SH3BP4: variants seen among roughly 807,000 people sequenced by gnomAD.
SH3BP4 encodes SH3 domain-binding protein 4.
A neutral mutation model predicts 65.5 loss-of-function variants in SH3BP4; 33 were observed. That is an observed-to-expected ratio of 0.50 (90% confidence interval 0.38 to 0.67). The LOEUF is 0.67. Among genes scored for constraint, SH3BP4 ranks in the 30% least tolerant of loss-of-function variants. SH3BP4 has a pLI of 0.00. For synonymous variants in SH3BP4, 552 were observed against 545.5 expected (o/e 1.01, Z -0.17); for missense variants, 1,134 against 1,261.4 (o/e 0.90, Z 1.53).
At chr2:235,001,223 C>T (rs773336006) in intron 2 of SH3BP4, among the ~76,000 whole-genome samples, 8 of 152,182 alleles carry the variant, frequency 5.3e-5, no homozygotes, top group South Asian at 2.1e-4. Context: ...GGGCCCTTGG[C>T]GTGGCCCTTT....
At chr2:235,010,679 A>AAAGC (rs1399569818) in intron 2 of SH3BP4, among the ~76,000 whole-genome samples, 1 of 152,176 alleles carries the variant, frequency 6.6e-6, no homozygotes, top group African/African-American at 2.4e-5. Flanking sequence ...CTGGAGCCTG[A>AAAGC]AAGCAAGATG....
intron 1 of SH3BP4, among the ~76,000 whole-genome samples, chr2:234,972,832 C>G (rs953642203): frequency 6.6e-6 from 1 of 152,212 alleles, no homozygotes; most frequent in Admixed American, 6.5e-5. Context: ...AGAGAAGTTC[C>G]TTCCGTAAAA....
intron 4 of SH3BP4, among the ~76,000 whole-genome samples, chr2:235,047,358 C>G (rs536622564): frequency 6.6e-6 from 1 of 152,162 alleles, no homozygotes; most frequent in East Asian, 1.9e-4. Context: ...CCCCCTGATG[C>G]GTCAGAGGCG....
At position 235,026,084 on chromosome 2, in the gene SH3BP4, G is replaced by C. The variant is rs192117611; in HGVS notation, c.-132-8787G>C. 6.0e-4 allele frequency among the ~76,000 whole-genome samples: 92 copies of C among 152,266 alleles called. No homozygotes were observed. The highest frequency in any genetic ancestry group is 2.1e-3 in the African/African-American group (89 of 41,544). The stretch of plus-strand genomic sequence containing the variant: ...GATTCTGGGATCTGTGCAGTGTGCT[G>C]AGAACAACCCTACAGAGGGGATGGG... On this transcript the variant is annotated intron_variant, in intron 2 of 5. Coordinates refer to ENST00000392011, the MANE Select transcript of SH3BP4 (RefSeq NM_014521.3). The surrounding 1 kb of genome is among the most constrained non-coding windows in gnomAD (Gnocchi z 4.6).
At chr2:235,027,952 C>T (rs548664198) in intron 2 of SH3BP4, among the ~76,000 whole-genome samples, 2 of 152,282 alleles carry the variant, frequency 1.3e-5, no homozygotes, top group South Asian at 2.1e-4. Context: ...GGAGTCTATG[C>T]GTGGCGTGAC....
rs1264051463 is a variant in SH3BP4 at position 235,035,297 on chromosome 2, AT to A, written c.118+183del. On this transcript the variant is annotated intron_variant, in intron 3 of 5. Transcript: ENST00000392011. The surrounding 1 kb of genome is among the most constrained non-coding windows in gnomAD (Gnocchi z 5.0). ...CCCTGGAATCATAGTCACTTGTCTT[AT>A]TTTTTGGTTCCCCCTTATTAGTGAA... 6.6e-6 allele frequency among the ~76,000 whole-genome samples: 1 copy of A among 152,120 alleles called. No homozygotes were observed. Among genetic ancestry groups the A allele is most frequent in the Non-Finnish European group, 1.5e-5 (1 of 68,006 alleles).
At position 235,034,863 on chromosome 2, in the gene SH3BP4, A is replaced by T; in HGVS notation, c.-132-8A>T. 1 of 661,752 alleles carries T rather than the reference A, an allele frequency of 1.5e-6. No homozygotes were observed. The highest frequency in any genetic ancestry group is 2.6e-6 in the Non-Finnish European group (1 of 385,688). 41.0% of individuals were successfully genotyped at this position (661,752 alleles called of 1,614,324 possible). ...TAAGGGACTTTTTTGTTCCTCCTCT[A>T]CTTTCAGGAAGAAACATATTGCCGA... On this transcript the variant is annotated splice_region_variant and splice_polypyrimidine_tract_variant and intron_variant, in intron 2 of 5. Transcript: ENST00000392011. The surrounding 1 kb of genome is among the most constrained non-coding windows in gnomAD (Gnocchi z 6.2).
At chr2:234,973,161 A>C (rs1265719914) in intron 1 of SH3BP4, among the ~76,000 whole-genome samples, 1 of 152,164 alleles carries the variant, frequency 6.6e-6, no homozygotes, top group African/African-American at 2.4e-5. Context: ...TTCTTTTTAG[A>C]TGGGGTCATT....
rs141816507 is a variant in SH3BP4 at position 235,034,794 on chromosome 2, C to T, written c.-132-77C>T. 3.6e-6 allele frequency: 2 copies of T among 562,396 alleles called. No individual in the cohort carries two copies. Among genetic ancestry groups the T allele is most frequent in the East Asian group, 3.0e-5 (1 of 32,862 alleles). 34.8% of individuals were successfully genotyped at this position (562,396 alleles called of 1,614,324 possible). On this transcript the variant is annotated intron_variant, in intron 2 of 5. Transcript: ENST00000392011. The surrounding 1 kb of genome is among the most constrained non-coding windows in gnomAD (Gnocchi z 6.2). ...AGAACAGCCTGGAAGAAAGAGGATT[C>T]CCACTTCCCATAAAATTACCATTGA... is the stretch of plus-strand genomic sequence containing the variant.
chr2:235,001,726 T>C (rs1574809103), intron 2 of SH3BP4, among the ~76,000 whole-genome samples: 1 of 152,304 alleles, frequency 6.6e-6, no homozygotes, highest in East Asian at 1.9e-4. Flanking sequence ...CCGGGAAGCC[T>C]GTGTACAGGT....
chr2:235,032,248 C>T (rs1574835666), intron 2 of SH3BP4, among the ~76,000 whole-genome samples: 1 of 152,334 alleles, frequency 6.6e-6, no homozygotes, highest in East Asian at 1.9e-4. Context: ...GTTGCCCTCA[C>T]AGCTGACACC....
chr2:234,985,114 A>T (rs1388928780), intron 1 of SH3BP4, among the ~76,000 whole-genome samples: 6 of 152,204 alleles, frequency 3.9e-5, no homozygotes, highest in African/African-American at 1.4e-4. Flanking sequence ...GTGCTGGGAT[A>T]GCGGAGCACC....
intron 1 of SH3BP4, among the ~76,000 whole-genome samples, chr2:234,985,387 G>A (rs1030945163): frequency 7.9e-5 from 12 of 152,170 alleles, no homozygotes; most frequent in Admixed American, 6.5e-4. Context: ...AAAAGTGTGC[G>A]TGAATGAAGG....
At chr2:234,990,982 A>G (rs948098550) in intron 1 of SH3BP4, among the ~76,000 whole-genome samples, 1 of 152,046 alleles carries the variant, frequency 6.6e-6, no homozygotes, top group African/African-American at 2.4e-5. Context: ...CCCCCCTTTT[A>G]TAAAGTCACT....
chr2:234,989,251 G>A (rs952246010), intron 1 of SH3BP4, among the ~76,000 whole-genome samples: 6 of 152,188 alleles, frequency 3.9e-5, no homozygotes, highest in African/African-American at 1.4e-4. Flanking sequence ...GTAGGAGGAT[G>A]GCGTCACTGT....
At chr2:235,023,561 G>A (rs928868269) in intron 2 of SH3BP4, among the ~76,000 whole-genome samples, 11 of 151,958 alleles carry the variant, frequency 7.2e-5, no homozygotes, top group Non-Finnish European at 5.9e-5. Context: ...GGTGGGGTGG[G>A]GGGTGAGAAG....
chr2:235,011,936 G>C (rs539221466), intron 2 of SH3BP4, among the ~76,000 whole-genome samples: 3 of 152,328 alleles, frequency 2.0e-5, no homozygotes, highest in African/African-American at 7.2e-5. Flanking sequence ...ATGGGATTCT[G>C]AGAGACAGGC....
intron 1 of SH3BP4, among the ~76,000 whole-genome samples, chr2:234,973,446 T>C (rs967583685): frequency 6.6e-6 from 1 of 152,188 alleles, no homozygotes; most frequent in African/African-American, 2.4e-5. Flanking sequence ...ACAGCCTCAC[T>C]TTGCAGAAGT....
chr2:235,001,088 T>C (rs1245386345), intron 2 of SH3BP4, among the ~76,000 whole-genome samples: 2 of 152,216 alleles, frequency 1.3e-5, no homozygotes, highest in African/African-American at 4.8e-5. Flanking sequence ...TTTTGAGAAA[T>C]TAATTATAAA....
Sources: gnomAD v4.1 joint callset for allele counts (sites outside exome capture counted in the v4.1 genomes callset) on GRCh38, gnomAD v4.1.1 for gene constraint, Gnocchi (gnomAD v3.1) non-coding constraint, MANE v1.5 for transcripts, NCBI Gene and HGNC (gene_info 2026-07-23, HGNC 2026-07-21) for gene names.